Variants in SPATA6 observed in about 807,000 individuals in gnomAD.
The protein encoded by SPATA6 is spermatogenesis-associated protein 6.
Under a neutral mutation model 65.3 loss-of-function variants are expected in SPATA6, and 56 were observed. The ratio of observed to expected loss-of-function variants is 0.86; its 90% CI spans 0.69 to 1.07. The LOEUF (loss-of-function observed/expected upper bound fraction) is 1.07, where lower values mean the gene tolerates loss of function less well. Ranked by LOEUF, SPATA6 falls within the 50% of genes least tolerant of loss-of-function variation. SPATA6 has a pLI of 0.00. For missense variants in SPATA6, 590 were observed against 594.8 expected (o/e 0.99, Z 0.08); for synonymous variants, 199 against 213.2 (o/e 0.93, Z 0.58).
intron 3 of SPATA6, among the ~76,000 whole-genome samples, chr1:48,445,747 G>A (rs1315151429): frequency 6.9e-6 from 1 of 145,410 alleles, no homozygotes; most frequent in Non-Finnish European, 1.5e-5. Context: ...TATGCCAACA[G>A]CATACTACAT....
At chr1:48,319,663 C>T (rs1570099504) in intron 11 of SPATA6, among the ~76,000 whole-genome samples, 3 of 152,282 alleles carry the variant, frequency 2.0e-5, no homozygotes, top group Admixed American at 2.0e-4. Flanking sequence ...GTATTCCACC[C>T]TTCCATCACA....
intron 1 of SPATA6, among the ~76,000 whole-genome samples, chr1:48,462,301 A>C (rs1657504435): frequency 6.6e-6 from 1 of 152,164 alleles, no homozygotes; most frequent in African/African-American, 2.4e-5. Context: ...ATATGTAACA[A>C]ACCGGCCCAT....
chr1:48,399,210 C>A, intron 7 of SPATA6, 141 bp downstream of exon 7: 1 of 972,876 alleles, frequency 1.0e-6, no homozygotes, highest in Non-Finnish European at 1.5e-6. Context: ...ATTAATTTCC[C>A]ATCTTAGACT....
chr1:48,453,209 A>G (rs538601914), intron 1 of SPATA6, 78 bp from the exon 2 acceptor site: 1 of 1,424,306 alleles, frequency 7.0e-7, no homozygotes, highest in South Asian at 1.5e-5. Context: ...CTTATCAAAT[A>G]TTACATAAAA....
chr1:48,314,145 T>C (rs1438863512), intron 11 of SPATA6, among the ~76,000 whole-genome samples: 2 of 152,016 alleles, frequency 1.3e-5, no homozygotes, highest in Non-Finnish European at 2.9e-5. Flanking sequence ...GACACAAAGT[T>C]AACAAGGATA....
intron 11 of SPATA6, among the ~76,000 whole-genome samples, chr1:48,323,652 A>G (rs1645668724): frequency 6.6e-6 from 1 of 151,974 alleles, no homozygotes. Flanking sequence ...AATAAATAAA[A>G]ACAGAGATGA....
chr1:48,436,135 C>T, intron 3 of SPATA6: 1 of 1,610,236 alleles, frequency 6.2e-7, no homozygotes, highest in South Asian at 1.1e-5. Context: ...CAACGTTTCT[C>T]ACTACGAGCT....
intron 10 of SPATA6, among the ~76,000 whole-genome samples, chr1:48,358,066 G>A (rs1007473026): frequency 3.3e-5 from 5 of 151,652 alleles, no homozygotes; most frequent in African/African-American, 1.2e-4. Context: ...TGAAAATAAT[G>A]TGTAAATGCC....
the SPATA6 span, among the ~76,000 whole-genome samples, chr1:48,277,099 C>CTTTTTTTTTTTTTTGT: frequency 3.2e-5 from 4 of 126,444 alleles, no homozygotes; most frequent in Admixed American, 7.8e-5. Context: ...TTGTTTTTTG[C>CTTTTTTTTTTTTTTGT]TTTTTTTTTT....
chr1:48,455,628 T>C (rs985953584), intron 1 of SPATA6, among the ~76,000 whole-genome samples: 1 of 152,148 alleles, frequency 6.6e-6, no homozygotes, highest in South Asian at 2.1e-4. Context: ...GATCTGCCCA[T>C]GTCGGCCTCC....
chr1:48,272,902 G>A, the SPATA6 span, among the ~76,000 whole-genome samples: 45 of 152,120 alleles, frequency 3.0e-4, no homozygotes, highest in Non-Finnish European at 5.7e-4. Flanking sequence ...GCAACTTTTC[G>A]TATTCCTGTT....
chr1:48,444,396 C>CA (rs1315114131), intron 3 of SPATA6, among the ~76,000 whole-genome samples: 15 of 152,052 alleles, frequency 9.9e-5, no homozygotes, highest in Non-Finnish European at 2.2e-4. Flanking sequence ...TTTAAAAATG[C>CA]ACCAATCAGC....
At chr1:48,369,865 G>A (rs1327006792) in intron 9 of SPATA6, among the ~76,000 whole-genome samples, 1 of 152,202 alleles carries the variant, frequency 6.6e-6, no homozygotes, top group Non-Finnish European at 1.5e-5. Flanking sequence ...CCCATTTTCT[G>A]CGTCGCTCAC....
At chr1:48,444,223 G>C (rs1655792777) in intron 3 of SPATA6, among the ~76,000 whole-genome samples, 1 of 151,986 alleles carries the variant, frequency 6.6e-6, no homozygotes, top group Non-Finnish European at 1.5e-5. Context: ...TCTATGTATA[G>C]CTAAAGGATT....
Position 48,399,460 on chromosome 1 carries a change from CT to C in SPATA6, c.670del (p.Arg224AspfsTer17), listed in dbSNP as rs1650940766. 1 of 1,613,130 alleles carries C rather than the reference CT, an allele frequency of 6.2e-7. No homozygotes were observed. The highest frequency in any genetic ancestry group is 1.7e-5 in the Admixed American group (1 of 59,898). ...GTCTTCAGATAGCTCACACATGCGTCTTTTTGTGTAGGGAGATGGAGAGTGT... is the reference window on the plus strand; with the variant it reads ...GTCTTCAGATAGCTCACACATGCGTCTTTTGTGTAGGGAGATGGAGAGTGT... ...KSHSPSPYTK[R>X]RMCELSEDTR... On this transcript the variant is annotated frameshift_variant, in exon 7 of 13. Transcript: ENST00000371847. LOFTEE classifies it high-confidence loss of function.
intron 11 of SPATA6, among the ~76,000 whole-genome samples, chr1:48,345,491 A>G (rs1197381700): frequency 6.6e-6 from 1 of 152,160 alleles, no homozygotes; most frequent in African/African-American, 2.4e-5. Flanking sequence ...AGAAATAACC[A>G]AAATCAGAGC....
At chr1:48,395,380 A>C (rs528226265) in intron 7 of SPATA6, 26 bp from the exon 8 acceptor site, 2 of 1,498,584 alleles carry the variant, frequency 1.3e-6, no homozygotes, top group East Asian at 4.9e-5. Flanking sequence ...TTTTTATGTA[A>C]AAGAGAGTTT....
At chr1:48,374,337 A>G (rs1647642081) in intron 9 of SPATA6, among the ~76,000 whole-genome samples, 1 of 152,206 alleles carries the variant, frequency 6.6e-6, no homozygotes, top group Admixed American at 6.5e-5. Flanking sequence ...GTCCATTCAC[A>G]ATAGGAACAA....
At chr1:48,357,766 G>C (rs1399614311) in intron 10 of SPATA6, among the ~76,000 whole-genome samples, 1 of 152,008 alleles carries the variant, frequency 6.6e-6, no homozygotes, top group Non-Finnish European at 1.5e-5. Flanking sequence ...CCAGTAGTAC[G>C]TCTTAGACAT....
Sources: gnomAD v4.1 joint callset for allele counts (sites outside exome capture counted in the v4.1 genomes callset) on GRCh38, gnomAD v4.1.1 for gene constraint, MANE v1.5 for transcripts, NCBI Gene and HGNC (gene_info 2026-07-23, HGNC 2026-07-21) for gene names.